The following PCED1B variants were observed in gnomAD, a reference collection of about 807,000 sequenced individuals.
The protein encoded by PCED1B is PC-esterase domain containing 1B, also known as PC-esterase domain-containing protein 1B.
For synonymous variants in PCED1B, 251 were observed against 246.1 expected (o/e 1.02, Z -0.19); for missense variants, 573 against 573.9 (o/e 1.00, Z 0.02).
chr12:47,092,213 C>G (rs1412332466), intron 1 of PCED1B, among the ~76,000 whole-genome samples: 1 of 151,824 alleles, frequency 6.6e-6, no homozygotes, highest in Non-Finnish European at 1.5e-5. Context: ...TTTAATTTTT[C>G]TCAATAATAT....
At position 47,235,345 on chromosome 12, in the gene PCED1B, C is replaced by T. The variant is rs1217168123; in HGVS notation, c.282C>T (p.Leu94=). The T allele has an allele frequency of 1.9e-6, 3 of 1,614,052 alleles. No homozygotes were observed. The highest frequency in any genetic ancestry group is 2.5e-6 in the Non-Finnish European group (3 of 1,180,052). ...SDHHLVRFYF[L]TRVYSDYLQT... ...ACCATCTGGTACGTTTTTACTTCCT[C>T]ACCCGCGTGTACTCCGATTACCTCC... The change falls in exon 4 of 4, where the codon CTC becomes CTT. Residue 94 remains leucine, a synonymous_variant. Transcript: ENST00000546455.
intron 2 of PCED1B, among the ~76,000 whole-genome samples, chr12:47,144,083 A>G (rs1940696857): frequency 1.3e-5 from 2 of 152,280 alleles, no homozygotes; most frequent in African/African-American, 4.8e-5. Context: ...ATGCCCCCAC[A>G]GCTCTTGCAT....
intron 2 of PCED1B, among the ~76,000 whole-genome samples, chr12:47,155,792 G>C (rs1430833697): frequency 1.3e-5 from 2 of 152,182 alleles, no homozygotes; most frequent in African/African-American, 4.8e-5. Flanking sequence ...TGCCTGATTT[G>C]GGAATGTCTT....
chr12:47,163,971 G>A (rs1333504768), intron 2 of PCED1B, among the ~76,000 whole-genome samples: 2 of 152,090 alleles, frequency 1.3e-5, no homozygotes, highest in Non-Finnish European at 2.9e-5. Context: ...ATTCCATTCT[G>A]TGAGAGCAAC....
At chr12:47,191,809 G>GTTT (rs147421136) in intron 2 of PCED1B, among the ~76,000 whole-genome samples, 1 of 148,538 alleles carries the variant, frequency 6.7e-6, no homozygotes. Context: ...GTTGTGTTGT[G>GTTT]CTTTTTTTTT....
rs375607179 is a variant in PCED1B, at chr12:47,236,235, G to A, written c.1172G>A (p.Arg391Gln). The change falls in exon 4 of 4, where the codon CGG (arginine) becomes CAG (glutamine). Residue 391 changes from arginine (R) to glutamine (Q), a missense_variant. Transcript: ENST00000546455. ...TTCTTCCCCACACCCCGTTATCAGC[G>A]GCCTGCCCCAGTGGTACATAGGGGT... ...MPFFPTPRYQ[R>Q]PAPVVHRGFG... is the part of the protein sequence containing the mutation. The A allele has an allele frequency of 9.6e-5, 155 of 1,613,918 alleles. No individual in the cohort carries two copies. Among genetic ancestry groups the A allele is most frequent in the Non-Finnish European group, 1.1e-4 (132 of 1,180,002 alleles).
At chr12:47,082,095 A>G (rs1164733523) in intron 1 of PCED1B, among the ~76,000 whole-genome samples, 1 of 152,202 alleles carries the variant, frequency 6.6e-6, no homozygotes, top group Non-Finnish European at 1.5e-5. Context: ...CTTAAGGTAT[A>G]AGACGTGACC....
intron 1 of PCED1B, among the ~76,000 whole-genome samples, chr12:47,081,708 A>G (rs1033639622): frequency 2.0e-5 from 3 of 152,242 alleles, no homozygotes; most frequent in African/African-American, 7.2e-5. Flanking sequence ...TAGAATTAAA[A>G]TCGCTCAGAG....
intron 2 of PCED1B, among the ~76,000 whole-genome samples, chr12:47,166,777 G>A (rs1941557573): frequency 6.6e-6 from 1 of 152,056 alleles, no homozygotes; most frequent in African/African-American, 2.4e-5. Flanking sequence ...TTGGTTATCA[G>A]AGTAGAAAAA....
At chr12:47,226,076 G>A (rs1943623130) in intron 3 of PCED1B, among the ~76,000 whole-genome samples, 1 of 152,018 alleles carries the variant, frequency 6.6e-6, no homozygotes, top group South Asian at 2.1e-4. Context: ...AATTTATTGT[G>A]GCAGTAGACA....
At chr12:47,082,477 C>T (rs1462746077) in intron 1 of PCED1B, among the ~76,000 whole-genome samples, 1 of 152,202 alleles carries the variant, frequency 6.6e-6, no homozygotes, top group Non-Finnish European at 1.5e-5. Context: ...CATACTTTTA[C>T]TTCCTTTTTA....
At chr12:47,131,771 C>T (rs2137358961) in intron 2 of PCED1B, among the ~76,000 whole-genome samples, 1 of 151,124 alleles carries the variant, frequency 6.6e-6, no homozygotes, top group Non-Finnish European at 1.5e-5. Flanking sequence ...CTGGTTCAAG[C>T]AATTCCCCTG....
intron 2 of PCED1B, among the ~76,000 whole-genome samples, chr12:47,107,561 C>T (rs1939010535): frequency 1.3e-5 from 2 of 152,182 alleles, no homozygotes; most frequent in South Asian, 4.1e-4. Flanking sequence ...TTGGTATGGC[C>T]CCCGACACCA....
At chr12:47,184,315 C>A (rs1028087070) in intron 2 of PCED1B, among the ~76,000 whole-genome samples, 1 of 152,116 alleles carries the variant, frequency 6.6e-6, no homozygotes, top group African/African-American at 2.4e-5. Flanking sequence ...TGCTGGTAAA[C>A]GACCAGCTGG....
At chr12:47,167,489 G>A (rs1941582532) in intron 2 of PCED1B, among the ~76,000 whole-genome samples, 1 of 152,130 alleles carries the variant, frequency 6.6e-6, no homozygotes, top group South Asian at 2.1e-4. Context: ...AATGTGAGGT[G>A]TGTTTCACCA....
chr12:47,190,468 G>C (rs1942408458), intron 2 of PCED1B, among the ~76,000 whole-genome samples: 2 of 152,224 alleles, frequency 1.3e-5, no homozygotes, highest in African/African-American at 4.8e-5. Flanking sequence ...TAAGGATGAA[G>C]TGGTTTCTCT....
intron 2 of PCED1B, among the ~76,000 whole-genome samples, chr12:47,106,788 C>G (rs777371272): frequency 6.6e-6 from 1 of 151,692 alleles, no homozygotes; most frequent in Non-Finnish European, 1.5e-5. Flanking sequence ...TTTCCTCCAG[C>G]TTTTTTTTTC....
At position 47,207,917 on chromosome 12, in the gene PCED1B, T is replaced by C. The variant is rs539595453; in HGVS notation, c.-525-8305T>C. Among the ~76,000 whole-genome samples, 3 of 152,354 alleles carry C rather than the reference T, an allele frequency of 2.0e-5. No individual in the cohort carries two copies. In the South Asian group the frequency reaches 6.2e-4, roughly 32 times the overall value. ...ACAGGCAGAGGTTACAGATTTTTCA[T>C]AGCTTACTTCCTCCTGAAATTTAAG... On this transcript the variant is annotated intron_variant, in intron 2 of 3. Transcript: ENST00000546455.
At chr12:47,214,432 A>AG (rs1214329027) in intron 2 of PCED1B, among the ~76,000 whole-genome samples, 1 of 152,158 alleles carries the variant, frequency 6.6e-6, no homozygotes, top group Non-Finnish European at 1.5e-5. Context: ...GCTGTAAGGG[A>AG]GGGAAAATGG....
Sources: allele counts gnomAD v4.1 joint callset (sites outside exome capture counted in the v4.1 genomes callset), GRCh38; gene constraint gnomAD v4.1.1; transcripts MANE v1.5; gene names NCBI Gene and HGNC (gene_info 2026-07-23, HGNC 2026-07-21).